Variants in PTPRM observed in about 807,000 individuals in gnomAD.
PTPRM encodes receptor-type tyrosine-protein phosphatase mu.
In PTPRM, 47 loss-of-function variants were observed where a neutral mutation model predicts 186.7. The observed-to-expected ratio is 0.25, with a 90% CI of 0.20 to 0.32. The LOEUF (loss-of-function observed/expected upper bound fraction) is 0.32. Ranked by LOEUF, PTPRM falls within the 10% of genes least tolerant of loss-of-function variation. The probability of loss-of-function intolerance (pLI) is 1.00; values close to 1 mark genes in which losing one functional copy is unlikely to be tolerated. For missense variants in PTPRM, 1,494 were observed against 1,865.0 expected (o/e 0.80, Z 3.66); for synonymous variants, 668 against 674.9 (o/e 0.99, Z 0.16).
intron 1 of PTPRM, among the ~76,000 whole-genome samples, chr18:7,628,957 C>T (rs16952248): frequency 0.11 from 17,309 of 152,200 alleles, 1,943 homozygotes; most frequent in African/African-American, 0.29. Context: ...TCTCCATCTA[C>T]GTGATGCTGG....
intron 21 of PTPRM, among the ~76,000 whole-genome samples, chr18:8,317,514 G>A (rs578261215): frequency 1.5e-4 from 23 of 152,268 alleles, no homozygotes; most frequent in African/African-American, 4.8e-4. Context: ...GTGTACAGAC[G>A]AGCTTGAAGG....
intron 23 of PTPRM, among the ~76,000 whole-genome samples, chr18:8,367,827 AT>A (rs1389150885): frequency 6.6e-6 from 1 of 152,252 alleles, no homozygotes; most frequent in East Asian, 1.9e-4. Context: ...TATTTTTGAA[AT>A]TCGAGAACAA....
intron 14 of PTPRM, among the ~76,000 whole-genome samples, chr18:8,199,101 G>T (rs544258163): frequency 6.6e-6 from 1 of 152,174 alleles, no homozygotes; most frequent in South Asian, 2.1e-4. Context: ...TGGTCCTCTT[G>T]ATTTTCTTCA....
chr18:8,379,116 A>C (rs779355558), intron 27 of PTPRM, 51 bp from the exon 28 acceptor site: 2 of 1,480,672 alleles, frequency 1.4e-6, no homozygotes, highest in Non-Finnish European at 1.8e-6. Flanking sequence ...ACGTGAGAGG[A>C]GTCCGCTGCC....
intron 7 of PTPRM, among the ~76,000 whole-genome samples, chr18:8,004,561 C>T (rs1302666874): frequency 1.3e-5 from 2 of 151,808 alleles, no homozygotes; most frequent in Non-Finnish European, 2.9e-5. Flanking sequence ...CCCAGTAATT[C>T]AGTTCAGAAG....
chr18:8,103,390 C>T (rs1250406647), intron 11 of PTPRM, among the ~76,000 whole-genome samples: 5 of 152,210 alleles, frequency 3.3e-5, no homozygotes, highest in Non-Finnish European at 7.3e-5. Flanking sequence ...GCTAGATCTT[C>T]TGGATAATGT....
chr18:7,772,246 TTTC>T (rs1369679885), intron 1 of PTPRM, among the ~76,000 whole-genome samples: 2 of 116,598 alleles, frequency 1.7e-5, no homozygotes, highest in Non-Finnish European at 3.7e-5. Flanking sequence ...TAAGATCTTT[TTTC>T]TTTTCTTTTC....
rs2040821207 is a variant in PTPRM, at chr18:7,738,575, A to G, written c.74-35574A>G. ...CTCAGCCTCCCGAGTAGCTGGGACT[A>G]TAGGCGCCCGCCACCACACCCGGCT... On this transcript the variant is annotated intron_variant, in intron 1 of 32. Coordinates refer to ENST00000580170, the MANE Select transcript of PTPRM (RefSeq NM_001105244.2). 2.0e-5 allele frequency among the ~76,000 whole-genome samples: 3 copies of G among 150,802 alleles called. No individual in the cohort carries two copies. The South Asian group carries it at 6.3e-4, about 32-fold the overall frequency.
At chr18:8,002,314 GA>G in intron 7 of PTPRM, among the ~76,000 whole-genome samples, 1 of 152,286 alleles carries the variant, frequency 6.6e-6, no homozygotes, top group East Asian at 1.9e-4. Flanking sequence ...CTGCCATCAG[GA>G]CAAGACATTT....
intron 1 of PTPRM, among the ~76,000 whole-genome samples, chr18:7,730,544 C>T (rs970611156): frequency 3.3e-5 from 5 of 152,196 alleles, no homozygotes; most frequent in African/African-American, 1.2e-4. Context: ...AATGATTATT[C>T]TTGGATTATC....
intron 1 of PTPRM, among the ~76,000 whole-genome samples, chr18:7,688,524 G>C (rs562601505): frequency 1.3e-5 from 2 of 152,308 alleles, no homozygotes; most frequent in Admixed American, 6.5e-5. Flanking sequence ...CGAAGGTCGA[G>C]GACAGGTTAG....
intron 13 of PTPRM, among the ~76,000 whole-genome samples, chr18:8,117,306 C>T (rs1600663478): frequency 6.6e-6 from 1 of 152,098 alleles, no homozygotes; most frequent in African/African-American, 2.4e-5. Context: ...GCTCACAGTG[C>T]GATGGCTTAA....
intron 14 of PTPRM, among the ~76,000 whole-genome samples, chr18:8,227,521 G>C (rs1208298518): frequency 6.6e-6 from 1 of 152,204 alleles, no homozygotes; most frequent in Non-Finnish European, 1.5e-5. Context: ...TATGAAGTCA[G>C]TGCTTAAAGT....
chr18:8,252,461 T>A, intron 17 of PTPRM, 27 bp from the exon 18 acceptor site: 2 of 1,527,260 alleles, frequency 1.3e-6, no homozygotes, highest in Non-Finnish European at 1.8e-6. Context: ...TCCTCCTTTT[T>A]TCTCCTGATA....
intron 14 of PTPRM, among the ~76,000 whole-genome samples, chr18:8,204,884 G>A (rs887255565): frequency 1.3e-5 from 2 of 152,094 alleles, no homozygotes; most frequent in Non-Finnish European, 2.9e-5. Flanking sequence ...GATACTTCTG[G>A]TCAGAGTGTG....
intron 4 of PTPRM, among the ~76,000 whole-genome samples, chr18:7,920,474 G>A (rs960889736): frequency 6.6e-6 from 1 of 152,050 alleles, no homozygotes; most frequent in African/African-American, 2.4e-5. Context: ...TGAAAAAAAT[G>A]CTTTTATGCT....
intron 19 of PTPRM, among the ~76,000 whole-genome samples, chr18:8,265,572 A>G (rs985129407): frequency 6.6e-6 from 1 of 152,246 alleles, no homozygotes; most frequent in Admixed American, 6.5e-5. Context: ...ATGATACAAA[A>G]TAACTGACAA....
intron 14 of PTPRM, among the ~76,000 whole-genome samples, chr18:8,231,115 C>T (rs1053089095): frequency 2.0e-5 from 3 of 152,194 alleles, no homozygotes; most frequent in Non-Finnish European, 2.9e-5. Context: ...ATTTGAAAAA[C>T]ACCTTTTCTG....
intron 19 of PTPRM, among the ~76,000 whole-genome samples, chr18:8,276,239 A>C (rs1039029360): frequency 1.3e-5 from 2 of 151,922 alleles, no homozygotes; most frequent in Non-Finnish European, 2.9e-5. Flanking sequence ...TTTAGACTCT[A>C]TTTACTACCT....
Sources: gnomAD v4.1 joint callset for allele counts (sites outside exome capture counted in the v4.1 genomes callset) on GRCh38, gnomAD v4.1.1 for gene constraint, MANE v1.5 for transcripts, NCBI Gene and HGNC (gene_info 2026-07-23, HGNC 2026-07-21) for gene names.